Variants in RBFOX1 observed in about 807,000 individuals in gnomAD.
RBFOX1 encodes RNA binding fox-1 homolog 1.
Under a neutral mutation model 57.7 loss-of-function variants are expected in RBFOX1, and 8 were observed. The observed-to-expected ratio is 0.14, with a 90% CI of 0.08 to 0.25. RBFOX1 has a LOEUF of 0.25. Among genes scored for constraint, RBFOX1 ranks in the 10% least tolerant of loss-of-function variants. RBFOX1 has a pLI of 1.00. For missense variants in RBFOX1, 611 were observed against 548.5 expected (o/e 1.11, Z -1.14); for synonymous variants, 326 against 222.4 (o/e 1.47, Z -4.15).
chr16:7,168,270 G>C (rs1314592135), intron 4 of RBFOX1, among the ~76,000 whole-genome samples: 2 of 152,050 alleles, frequency 1.3e-5, no homozygotes, highest in South Asian at 2.1e-4. Flanking sequence ...GAGTCTGAGT[G>C]GGTTTTCTTC....
intron 3 of RBFOX1, among the ~76,000 whole-genome samples, chr16:5,729,199 C>G (rs34282216): frequency 6.6e-6 from 1 of 152,128 alleles, no homozygotes; most frequent in Admixed American, 6.5e-5. Flanking sequence ...CTTAGACTTT[C>G]TAAGCTTCAG....
chr16:5,624,953 C>A (rs569879745), intron 3 of RBFOX1, among the ~76,000 whole-genome samples: 2 of 152,240 alleles, frequency 1.3e-5, no homozygotes, highest in East Asian at 3.9e-4. Flanking sequence ...TGTAGGGACC[C>A]CACCCGGATT....
intron 4 of RBFOX1, among the ~76,000 whole-genome samples, chr16:5,891,630 G>A (rs1597663403): frequency 6.6e-6 from 1 of 152,166 alleles, no homozygotes; most frequent in East Asian, 1.9e-4. Context: ...GGTGCACCAG[G>A]AAGCTCCGAG....
intron 3 of RBFOX1, among the ~76,000 whole-genome samples, chr16:6,818,245 G>C (rs963959631): frequency 2.6e-5 from 4 of 152,030 alleles, no homozygotes; most frequent in African/African-American, 9.7e-5. Flanking sequence ...GATACAAGCA[G>C]AGGCTTTAGA....
intron 4 of RBFOX1, among the ~76,000 whole-genome samples, chr16:7,160,338 G>A (rs1329767447): frequency 1.3e-5 from 2 of 152,016 alleles, no homozygotes; most frequent in Non-Finnish European, 2.9e-5. Context: ...TGTGTAAAAT[G>A]GCAATGAAAA....
At chr16:7,495,250 G>A (rs1281155631) in intron 4 of RBFOX1, among the ~76,000 whole-genome samples, 1 of 152,142 alleles carries the variant, frequency 6.6e-6, no homozygotes, top group Non-Finnish European at 1.5e-5. Context: ...CCATGTCTCT[G>A]CTGTTGTGAA....
Position 7,711,622 on chromosome 16 carries a change from G to GAAAGTAAT in RBFOX1, c.*881_*888dup, listed in dbSNP as rs1253509306. ...ATTTTTTTCTTTTTTTCCAAAAAAA[G>GAAAGTAAT]AAAGTAATAAAAACTTAAATTCTTT... On this transcript the variant is annotated 3_prime_UTR_variant, in exon 16 of 16. Transcript: ENST00000550418. 1 of 152,002 alleles carries GAAAGTAAT rather than the reference G, an allele frequency of 6.6e-6. No individual in the cohort carries two copies. The highest frequency in any genetic ancestry group is 1.9e-4 in the East Asian group (1 of 5,184). 9.4% of individuals were successfully genotyped at this position (152,002 alleles called of 1,614,324 possible).
At chr16:6,226,648 G>C (rs181976725) in intron 1 of RBFOX1, among the ~76,000 whole-genome samples, 11 of 152,228 alleles carry the variant, frequency 7.2e-5, no homozygotes, top group African/African-American at 2.4e-4. Context: ...TGGCCTCCAA[G>C]AGCATTTTCT....
At chr16:5,937,515 G>A (rs1451546492) in intron 4 of RBFOX1, among the ~76,000 whole-genome samples, 2 of 151,634 alleles carry the variant, frequency 1.3e-5, no homozygotes, top group Non-Finnish European at 1.5e-5. Context: ...ATATTTGCAG[G>A]CAACTATATG....
intron 15 of RBFOX1, 41 bp downstream of exon 15, chr16:7,709,172 C>T (rs373444863): frequency 6.5e-7 from 1 of 1,543,416 alleles, no homozygotes; most frequent in East Asian, 2.3e-5. Flanking sequence ...CCTCCTGCCT[C>T]CCTTCCCTTT....
At chr16:5,992,795 A>G (rs2060423550) in intron 4 of RBFOX1, among the ~76,000 whole-genome samples, 1 of 152,154 alleles carries the variant, frequency 6.6e-6, no homozygotes, top group Non-Finnish European at 1.5e-5. Context: ...TTAGCTGGGC[A>G]TGGTGGCAGG....
intron 2 of RBFOX1, among the ~76,000 whole-genome samples, chr16:6,521,392 C>T (rs1022039268): frequency 6.6e-6 from 1 of 151,476 alleles, no homozygotes; most frequent in African/African-American, 2.4e-5. Flanking sequence ...TTCCTTCCCT[C>T]TCTCCCTCCC....
intron 1 of RBFOX1, among the ~76,000 whole-genome samples, chr16:6,158,211 A>T (rs1232030587): frequency 6.6e-6 from 1 of 152,204 alleles, no homozygotes; most frequent in East Asian, 1.9e-4. Context: ...GATGCTTGCA[A>T]CTGTCCGGCG....
intron 4 of RBFOX1, among the ~76,000 whole-genome samples, chr16:5,932,571 G>C (rs2059084669): frequency 6.6e-6 from 1 of 152,188 alleles, no homozygotes; most frequent in Non-Finnish European, 1.5e-5. Context: ...TCCTAAGGTT[G>C]TCGTGATTTG....
chr16:6,008,626 A>G (rs1241400166), intron 4 of RBFOX1, among the ~76,000 whole-genome samples: 2 of 152,168 alleles, frequency 1.3e-5, no homozygotes, highest in Non-Finnish European at 2.9e-5. Flanking sequence ...CCTGACAACC[A>G]GGGGAGTTTG....
intron 3 of RBFOX1, among the ~76,000 whole-genome samples, chr16:5,836,164 C>T (rs1004420107): frequency 2.6e-5 from 4 of 152,120 alleles, no homozygotes; most frequent in Non-Finnish European, 4.4e-5. Context: ...CTGCTACCGC[C>T]GCCAGCACCA....
At chr16:5,266,798 A>G (rs549947505) in intron 1 of RBFOX1, among the ~76,000 whole-genome samples, 24 of 151,996 alleles carry the variant, frequency 1.6e-4, no homozygotes, top group African/African-American at 4.6e-4. Context: ...GGCTCAAGCA[A>G]TCTGCTCACC....
intron 4 of RBFOX1, among the ~76,000 whole-genome samples, chr16:5,918,235 T>G (rs542571299): frequency 6.6e-6 from 1 of 152,322 alleles, no homozygotes; most frequent in South Asian, 2.1e-4. Context: ...TTCTCCTGCC[T>G]CAGCCTCCCG....
At chr16:5,779,784 G>C (rs2054268841) in intron 3 of RBFOX1, among the ~76,000 whole-genome samples, 1 of 152,156 alleles carries the variant, frequency 6.6e-6, no homozygotes, top group African/African-American at 2.4e-5. Flanking sequence ...TTGCGGCACA[G>C]GAGGCCACGA....
Sources: allele counts gnomAD v4.1 joint callset (sites outside exome capture counted in the v4.1 genomes callset), GRCh38; gene constraint gnomAD v4.1.1; transcripts MANE v1.5; gene names NCBI Gene and HGNC (gene_info 2026-07-23, HGNC 2026-07-21).